Variants in SPECC1 observed in about 807,000 individuals in gnomAD.
SPECC1 encodes cytospin-B.
Under a neutral mutation model 104.1 loss-of-function variants are expected in SPECC1, and 62 were observed. The ratio of observed to expected loss-of-function variants is 0.60; its 90% confidence interval spans 0.49 to 0.74. The LOEUF (loss-of-function observed/expected upper bound fraction) is 0.74, where lower values mean the gene tolerates loss of function less well. SPECC1 is among the 30% of genes least tolerant of loss of function. The pLI is 0.00. For missense variants in SPECC1, 1,306 were observed against 1,310.5 expected (o/e 1.00, Z 0.05); for synonymous variants, 513 against 501.6 (o/e 1.02, Z -0.30).
intron 3 of SPECC1, among the ~76,000 whole-genome samples, chr17:20,128,800 A>G (rs1210339665): frequency 6.6e-6 from 1 of 152,182 alleles, no homozygotes; most frequent in Non-Finnish European, 1.5e-5. Context: ...AATTAATGAT[A>G]TTCAAATATA....
At chr17:20,042,655 G>C (rs1252814656) in intron 1 of SPECC1, among the ~76,000 whole-genome samples, 2 of 152,244 alleles carry the variant, frequency 1.3e-5, no homozygotes, top group African/African-American at 4.8e-5. Flanking sequence ...TAAATGGGCA[G>C]TTACTGTCTA....
chr17:20,261,501 CAAAAA>C (rs75833770), intron 12 of SPECC1, among the ~76,000 whole-genome samples: 1 of 54,780 alleles, frequency 1.8e-5, no homozygotes, highest in Non-Finnish European at 4.1e-5. Flanking sequence ...GACTCCGTCT[CAAAAA>C]AAAAAAAAAA....
intron 1 of SPECC1, among the ~76,000 whole-genome samples, chr17:20,036,465 T>C (rs951796450): frequency 6.6e-6 from 1 of 152,174 alleles, no homozygotes; most frequent in Non-Finnish European, 1.5e-5. Flanking sequence ...GATAAAATTG[T>C]GTGTATTTAT....
chr17:20,172,737 G>A (rs1380600721), intron 3 of SPECC1, among the ~76,000 whole-genome samples: 1 of 152,196 alleles, frequency 6.6e-6, no homozygotes, highest in Admixed American at 6.5e-5. Context: ...ACTAGCCCTT[G>A]ATGAGTTTTA....
At chr17:20,210,486 T>C (rs1245757751) in intron 4 of SPECC1, among the ~76,000 whole-genome samples, 2 of 152,234 alleles carry the variant, frequency 1.3e-5, no homozygotes, top group Non-Finnish European at 2.9e-5. Context: ...CACCTGGACA[T>C]CTGGGTCCTA....
At chr17:20,144,672 G>A (rs925882689) in intron 3 of SPECC1, among the ~76,000 whole-genome samples, 2 of 152,108 alleles carry the variant, frequency 1.3e-5, no homozygotes, top group Admixed American at 6.5e-5. Context: ...GTCTTGCTAT[G>A]TTGCTTAGAT....
chr17:20,294,627 A>G (rs1385752399), intron 12 of SPECC1, among the ~76,000 whole-genome samples: 1 of 150,940 alleles, frequency 6.6e-6, no homozygotes, highest in Non-Finnish European at 1.5e-5. Flanking sequence ...GGTAATGACG[A>G]CGGTGGTGGG....
Position 20,173,782 on chromosome 17 carries a change from TA to T in SPECC1, c.284-30550del, listed in dbSNP as rs200964263. Among the ~76,000 whole-genome samples, 94 of 152,380 alleles carry T rather than the reference TA, an allele frequency of 6.2e-4. No homozygotes were observed. The East Asian group carries it at 0.017, about 27-fold the overall frequency. On this transcript the variant is annotated intron_variant, in intron 3 of 14. Transcript: ENST00000395527. ...ACAAATTGGCAAAATTCATTTGCCT[TA>T]CAGTGTTTAAAGTTTTTTGAATTAT...
At chr17:20,218,922 G>A (rs2037685796) in intron 4 of SPECC1, among the ~76,000 whole-genome samples, 1 of 151,948 alleles carries the variant, frequency 6.6e-6, no homozygotes, top group African/African-American at 2.4e-5. Flanking sequence ...TCTATGTCTG[G>A]CTTATTTCAC....
chr17:20,012,495 G>T (rs1175255396), intron 1 of SPECC1, among the ~76,000 whole-genome samples: 2 of 151,286 alleles, frequency 1.3e-5, no homozygotes, highest in East Asian at 3.9e-4. Flanking sequence ...TGTACCTTTT[G>T]GGAATAAACG....
At chr17:20,241,485 C>T (rs1053977019) in intron 7 of SPECC1, among the ~76,000 whole-genome samples, 2 of 152,106 alleles carry the variant, frequency 1.3e-5, no homozygotes, top group African/African-American at 4.8e-5. Context: ...GGGGTTTTCC[C>T]ATATCTCCAT....
At chr17:20,085,009 AG>A (rs2047122324) in intron 1 of SPECC1, among the ~76,000 whole-genome samples, 1 of 152,196 alleles carries the variant, frequency 6.6e-6, no homozygotes, top group African/African-American at 2.4e-5. Flanking sequence ...CTGTGAACTG[AG>A]GTTTACCAGA....
At chr17:20,080,330 A>G (rs990051969) in intron 1 of SPECC1, among the ~76,000 whole-genome samples, 5 of 152,154 alleles carry the variant, frequency 3.3e-5, no homozygotes, top group African/African-American at 1.2e-4. Flanking sequence ...AGGACACTGT[A>G]GGAAAGAGAT....
chr17:20,116,841 A>C (rs1023832573), intron 3 of SPECC1, among the ~76,000 whole-genome samples: 1 of 100,216 alleles, frequency 1.0e-5, no homozygotes, highest in Admixed American at 1.6e-4. Context: ...TTTGGCTGTC[A>C]TGACTCGGGG....
At chr17:20,156,184 G>T in intron 3 of SPECC1, 1 of 1,446,644 alleles carries the variant, frequency 6.9e-7, no homozygotes, top group Non-Finnish European at 9.1e-7. Context: ...GCTGGTGCCC[G>T]AGTCGGCCAA....
intron 3 of SPECC1, among the ~76,000 whole-genome samples, chr17:20,195,451 C>T (rs2035967415): frequency 6.6e-6 from 1 of 152,010 alleles, no homozygotes; most frequent in Non-Finnish European, 1.5e-5. Flanking sequence ...AAATATAGTC[C>T]AAAGAAAGCA....
rs2048026813 is a variant in SPECC1 at position 20,103,251 on chromosome 17, A to C, written c.147+6453A>C. 3.3e-5 allele frequency among the ~76,000 whole-genome samples: 5 copies of C among 152,076 alleles called. No individual in the cohort carries two copies. In the South Asian group the frequency reaches 1.0e-3, roughly 31 times the overall value. On this transcript the variant is annotated intron_variant, in intron 2 of 14. Coordinates refer to ENST00000395527, the MANE Select transcript of SPECC1 (RefSeq NM_001243439.2). Reference sequence around the variant, plus strand: ...AATGCCTCCCTGCCCTCTCTGCCTGAGAAAAACTGAATCATGGCCTCTTCT... The same window carrying C: ...AATGCCTCCCTGCCCTCTCTGCCTGCGAAAAACTGAATCATGGCCTCTTCT...
chr17:20,236,848 C>G, intron 7 of SPECC1: 1 of 1,613,848 alleles, frequency 6.2e-7, no homozygotes, highest in Non-Finnish European at 8.5e-7. Flanking sequence ...CCTCCCGTTT[C>G]TATTTTCACA....
chr17:20,232,547 AC>A, intron 7 of SPECC1, 142 bp downstream of exon 7: 1 of 890,742 alleles, frequency 1.1e-6, no homozygotes, highest in South Asian at 1.7e-5. Context: ...GCACCACCTT[AC>A]CACTAGGAAC....
Sources: gnomAD v4.1 joint callset for allele counts (sites outside exome capture counted in the v4.1 genomes callset) on GRCh38, gnomAD v4.1.1 for gene constraint, MANE v1.5 for transcripts, NCBI Gene and HGNC (gene_info 2026-07-23, HGNC 2026-07-21) for gene names.